The following NT5C2 variants were observed in gnomAD, a reference collection of about 807,000 sequenced individuals.
NT5C2 encodes the protein 5'-nucleotidase, cytosolic II, also known as cytosolic purine 5'-nucleotidase.
NT5C2 carries 58 observed loss-of-function variants against 76.1 expected under a neutral mutation model. That is an observed-to-expected ratio of 0.76 (90% CI 0.62 to 0.95). The LOEUF (loss-of-function observed/expected upper bound fraction) is 0.95, where lower values mean the gene tolerates loss of function less well. Ranked by LOEUF, NT5C2 falls within the 40% of genes least tolerant of loss-of-function variation. The probability of loss-of-function intolerance (pLI) is 0.00; values close to 1 mark genes in which losing one functional copy is unlikely to be tolerated. For missense variants in NT5C2, 478 were observed against 690.3 expected, an observed-to-expected ratio of 0.69 and a Z score of 3.45; for synonymous variants, 229 against 237.4, an observed-to-expected ratio of 0.96 and a Z score of 0.32.
At position 103,093,309 on chromosome 10, in the gene NT5C2, C is replaced by G. The variant is rs1026230956; in HGVS notation, c.989G>C (p.Gly330Ala). 6.4e-7 allele frequency: 1 copy of G among 1,561,094 alleles called. No homozygotes were observed. Among genetic ancestry groups the G allele is most frequent in the Non-Finnish European group, 8.6e-7 (1 of 1,157,236 alleles). ...PLQHGIVYSG[G>A]SSDTICDLLG... The stretch of plus-strand genomic sequence containing the variant: ...CAGGTCACAGATCGTATCAGAAGAA[C>G]CTGAACCAACAGAGTGAACAATGAG... Residue 330 changes from glycine to alanine, a missense_variant and splice_region_variant, in exon 15 of 19, where the codon GGT becomes GCT. Gly to Ala is a moderately conservative substitution (Grantham distance 60). Coordinates refer to ENST00000404739, the MANE Select transcript of NT5C2 (RefSeq NM_001351169.2).
At chr10:103,143,039 A>AAC (rs1427787862) in intron 3 of NT5C2, among the ~76,000 whole-genome samples, 2 of 151,954 alleles carry the variant, frequency 1.3e-5, no homozygotes, top group Admixed American at 6.6e-5. Context: ...GAGGAAAGGG[A>AAC]ACGGAAAGGG....
In NT5C2 at chr10:103,098,996, C is replaced by CA. The variant is rs755968568; in HGVS notation, c.634-13dup. 4.0e-5 allele frequency: 64 copies of CA among 1,583,598 alleles called. No homozygotes were observed. The highest frequency in any genetic ancestry group is 1.7e-4 in the Middle Eastern group (1 of 5,840). Reference sequence around the variant, plus strand: ...TCCTTAAGGGAGCCCTGGAGGAAGACAAAAAAAAGAATTAAGAAAAGAACA... The same window carrying CA: ...TCCTTAAGGGAGCCCTGGAGGAAGACAAAAAAAAAGAATTAAGAAAAGAACA... On this transcript the variant is annotated splice_polypyrimidine_tract_variant and intron_variant, in intron 9 of 18. Coordinates refer to ENST00000404739, the MANE Select transcript of NT5C2 (RefSeq NM_001351169.2).
At chr10:103,184,296 T>C (rs1467826420) in intron 1 of NT5C2, among the ~76,000 whole-genome samples, 1 of 152,042 alleles carries the variant, frequency 6.6e-6, no homozygotes, top group African/African-American at 2.4e-5. Context: ...TCATTCAGAG[T>C]TCTTTATGTC....
At chr10:103,185,585 T>C (rs770844929) in intron 1 of NT5C2, among the ~76,000 whole-genome samples, 2 of 149,104 alleles carry the variant, frequency 1.3e-5, no homozygotes, top group Non-Finnish European at 3.0e-5. Flanking sequence ...AAGGCAGAGA[T>C]TGCGTGAGCC....
chr10:103,138,247 C>G (rs910109091), intron 4 of NT5C2, among the ~76,000 whole-genome samples: 1 of 152,142 alleles, frequency 6.6e-6, no homozygotes, highest in Non-Finnish European at 1.5e-5. Flanking sequence ...AAAAGAAACC[C>G]CAGTACATCT....
intron 3 of NT5C2, among the ~76,000 whole-genome samples, chr10:103,164,478 G>A (rs555302009): frequency 2.0e-5 from 3 of 151,864 alleles, no homozygotes; most frequent in Non-Finnish European, 2.9e-5. Flanking sequence ...GGATGGTCTC[G>A]ATCTCTTGAC....
chr10:103,165,940 G>A (rs1426635801), intron 3 of NT5C2, among the ~76,000 whole-genome samples: 1 of 152,222 alleles, frequency 6.6e-6, no homozygotes, highest in East Asian at 1.9e-4. Context: ...AAAGTGCTGG[G>A]ATTACAGGCG....
chr10:103,167,632 T>TTTTTG (rs2086737549), intron 3 of NT5C2, among the ~76,000 whole-genome samples: 1 of 152,062 alleles, frequency 6.6e-6, no homozygotes, highest in Non-Finnish European at 1.5e-5. Context: ...GATTTCCCCT[T>TTTTTG]TTTTTGTTTT....
intron 15 of NT5C2, 125 bp downstream of exon 15, chr10:103,093,014 A>G (rs1052608809): frequency 1.5e-6 from 1 of 654,988 alleles, no homozygotes; most frequent in Non-Finnish European, 2.4e-6. Flanking sequence ...AAGTATCCAA[A>G]TATCAAGGCC....
chr10:103,183,250 ATG>A lies in NT5C2; in HGVS notation c.-168-1924_-168-1923del, dbSNP rs1286493976. Among the ~76,000 whole-genome samples, 110 of 100,956 alleles carry A rather than the reference ATG, an allele frequency of 1.1e-3. No individual in the cohort carries two copies. The East Asian group carries it at 0.023, about 21-fold the overall frequency. The allele number at this position is 100,956 out of a possible 152,430, so 66.2% of individuals were successfully genotyped here. Reference sequence around the variant, plus strand: ...AACACATGAAAGGAGATATATATATATGTGTGTGTGTGATATATATATATATA... The same window carrying A: ...AACACATGAAAGGAGATATATATATATGTGTGTGTGATATATATATATATA... On this transcript the variant is annotated intron_variant, in intron 1 of 18. Transcript: ENST00000404739.
intron 3 of NT5C2, among the ~76,000 whole-genome samples, chr10:103,155,426 C>T (rs1181753279): frequency 6.6e-6 from 1 of 152,148 alleles, no homozygotes; most frequent in Non-Finnish European, 1.5e-5. Flanking sequence ...AACTTAAATG[C>T]TGGGATTCTA....
At chr10:103,098,286 C>T (rs2068695596) in intron 10 of NT5C2, 1 of 262,950 alleles carries the variant, frequency 3.8e-6, no homozygotes, top group Non-Finnish European at 7.3e-6. Context: ...TGGTACAATA[C>T]TATTAACCAC....
At chr10:103,144,195 C>A (rs1275126055) in intron 3 of NT5C2, among the ~76,000 whole-genome samples, 1 of 152,142 alleles carries the variant, frequency 6.6e-6, no homozygotes, top group Non-Finnish European at 1.5e-5. Flanking sequence ...GGCTAGAGAG[C>A]CAACTGGATC....
intron 3 of NT5C2, among the ~76,000 whole-genome samples, chr10:103,142,451 G>A (rs912512826): frequency 6.6e-6 from 1 of 151,896 alleles, no homozygotes; most frequent in Non-Finnish European, 1.5e-5. Context: ...CAGGCAGATC[G>A]CTTGAGCACA....
chr10:103,185,559 G>A (rs2091902866), intron 1 of NT5C2, among the ~76,000 whole-genome samples: 1 of 147,100 alleles, frequency 6.8e-6, no homozygotes, highest in Admixed American at 7.0e-5. Context: ...GAGGTAGGAA[G>A]ATTGCTTGAG....
chr10:103,155,705 T>C (rs573451845), intron 3 of NT5C2, among the ~76,000 whole-genome samples: 30 of 152,180 alleles, frequency 2.0e-4, no homozygotes, highest in African/African-American at 7.0e-4. Flanking sequence ...AAAGCAAAGC[T>C]AGATACAGTT....
rs1010839129 is a variant in NT5C2, at chr10:103,162,575, G to C, written c.101+12283C>G. On this transcript the variant is annotated intron_variant, in intron 3 of 18. Transcript: ENST00000404739. ...CAATTCAAAAGATTAATATTAAAGT[G>C]TTGGTGATACTGCTCTCATACATTG... is the stretch of plus-strand genomic sequence containing the variant. Among the ~76,000 whole-genome samples, 12 of 152,270 alleles carry C rather than the reference G, an allele frequency of 7.9e-5. No individual in the cohort carries two copies. In the South Asian group the frequency reaches 2.5e-3, roughly 32 times the overall value.
At chr10:103,188,945 G>C (rs1283717718) in intron 1 of NT5C2, among the ~76,000 whole-genome samples, 1 of 151,994 alleles carries the variant, frequency 6.6e-6, no homozygotes, top group Admixed American at 6.6e-5. Flanking sequence ...CCAGGAGGTA[G>C]AGGTTGCAGT....
chr10:103,164,466 C>A (rs2085847619), intron 3 of NT5C2, among the ~76,000 whole-genome samples: 1 of 152,024 alleles, frequency 6.6e-6, no homozygotes, highest in Admixed American at 6.6e-5. Context: ...CCATGTTGGC[C>A]AGGATGGTCT....
Sources: gnomAD v4.1 joint callset for allele counts (sites outside exome capture counted in the v4.1 genomes callset) on GRCh38, gnomAD v4.1.1 for gene constraint, MANE v1.5 for transcripts, NCBI Gene and HGNC (gene_info 2026-07-23, HGNC 2026-07-21) for gene names.